The following CPNE8 variants were observed in gnomAD, a reference collection of about 807,000 sequenced individuals.
CPNE8 encodes the protein copine-8.
In CPNE8, 45 loss-of-function variants were observed where a neutral mutation model predicts 81.5. The observed-to-expected ratio is 0.55, with a 90% CI of 0.44 to 0.71. CPNE8 has a LOEUF of 0.71. Ranked by LOEUF, CPNE8 falls within the 30% of genes least tolerant of loss-of-function variation. The pLI, the probability that CPNE8 is intolerant of heterozygous loss-of-function variation, is 0.00. For missense variants in CPNE8, 594 were observed against 672.1 expected (o/e 0.88, Z 1.28); for synonymous variants, 252 against 226.3 (o/e 1.11, Z -1.02).
chr12:38,691,289 C>T (rs1939669975), intron 15 of CPNE8, among the ~76,000 whole-genome samples: 1 of 152,124 alleles, frequency 6.6e-6, no homozygotes, highest in Non-Finnish European at 1.5e-5. Flanking sequence ...AGTTATACAA[C>T]TCCTGGGTGC....
chr12:38,683,455 A>G (rs900291572), intron 16 of CPNE8, among the ~76,000 whole-genome samples: 5 of 152,164 alleles, frequency 3.3e-5, no homozygotes, highest in Admixed American at 6.5e-5. Context: ...TAAGAGTTAT[A>G]TAAAGCAAGA....
At chr12:38,673,794 A>AAT (rs1328136150) in intron 18 of CPNE8, among the ~76,000 whole-genome samples, 2 of 152,024 alleles carry the variant, frequency 1.3e-5, no homozygotes, top group African/African-American at 4.8e-5. Flanking sequence ...GATTAGGAGA[A>AAT]ATAACTGAGC....
chr12:38,693,637 TC>T lies in CPNE8; in HGVS notation c.1143+19del, dbSNP rs757164876. 3 of 1,592,814 alleles carry T rather than the reference TC, an allele frequency of 1.9e-6. No homozygotes were observed. The Admixed American group carries it at 5.2e-5, about 28-fold the overall frequency. On this transcript the variant is annotated intron_variant, in intron 15 of 19. Transcript: ENST00000331366. ...AACATTAATTTTTCAAAACATCAAA[TC>T]CTTTTGACAAATTCTTACCAAAGCA...
chr12:38,816,267 T>A (rs553004487), intron 6 of CPNE8, among the ~76,000 whole-genome samples: 1 of 152,312 alleles, frequency 6.6e-6, no homozygotes, highest in East Asian at 1.9e-4. Flanking sequence ...CCTGGAAAAT[T>A]CAGTGCAATA....
rs144376726 is a variant in CPNE8, at chr12:38,751,900, C to G, written c.722+8947G>C. 9.9e-4 allele frequency among the ~76,000 whole-genome samples: 151 copies of G among 152,162 alleles called. No homozygotes were observed. The East Asian group carries it at 0.021, about 21-fold the overall frequency. On this transcript the variant is annotated intron_variant, in intron 10 of 19. Transcript: ENST00000331366. The stretch of plus-strand genomic sequence containing the variant: ...ACTTCTGATTTATTTTCTTTTTCAC[C>G]AGGCTGCATTGTAAAAACTTTTTCT...
At chr12:38,724,746 C>A in intron 12 of CPNE8, 100 bp downstream of exon 12, 1 of 780,778 alleles carries the variant, frequency 1.3e-6, no homozygotes, top group Non-Finnish European at 2.0e-6. Context: ...AAACACAGCT[C>A]AGTTTTTTTA....
chr12:38,893,030 G>A (rs1944336811), intron 1 of CPNE8, among the ~76,000 whole-genome samples: 1 of 151,966 alleles, frequency 6.6e-6, no homozygotes, highest in Admixed American at 6.5e-5. Context: ...TTAGACACTT[G>A]AATTAGAGCC....
chr12:38,842,373 C>G (rs1480380952), intron 4 of CPNE8, among the ~76,000 whole-genome samples: 3 of 152,060 alleles, frequency 2.0e-5, no homozygotes, highest in Non-Finnish European at 4.4e-5. Context: ...GGAGAAATGA[C>G]ATCGAATGTT....
chr12:38,707,558 G>C (rs1940139481), intron 13 of CPNE8, among the ~76,000 whole-genome samples: 1 of 152,082 alleles, frequency 6.6e-6, no homozygotes, highest in African/African-American at 2.4e-5. Context: ...AAGTATAAAA[G>C]GTGGATGCAT....
intron 19 of CPNE8, 61 bp downstream of exon 19, chr12:38,670,668 T>C: frequency 8.8e-7 from 1 of 1,140,926 alleles, no homozygotes; most frequent in Non-Finnish European, 1.3e-6. Context: ...CTTCTAATTT[T>C]GTTAAAGATC....
chr12:38,867,339 TGA>T (rs367740036), intron 3 of CPNE8, among the ~76,000 whole-genome samples: 6,010 of 121,544 alleles, frequency 0.049, 167 homozygotes, highest in African/African-American at 0.12. Flanking sequence ...TGTGTGTGTG[TGA>T]GAGAGAGAGA....
At chr12:38,862,282 TATTTCTCTTATATAATCCTGAAG>T (rs201624644) in intron 3 of CPNE8, among the ~76,000 whole-genome samples, 4,942 of 151,540 alleles carry the variant, frequency 0.033, 250 homozygotes, top group East Asian at 0.18. Flanking sequence ...AATCATTATA[TATTTCTCTTATATAATCCTGAAG>T]ATTAGATGGT....
At chr12:38,817,452 C>G (rs1252383673) in intron 6 of CPNE8, among the ~76,000 whole-genome samples, 2 of 152,006 alleles carry the variant, frequency 1.3e-5, no homozygotes, top group Non-Finnish European at 2.9e-5. Flanking sequence ...TAACAGACAC[C>G]AGGAAGGAAC....
At chr12:38,894,659 CTCTCTCTCTCT>C (rs1944361743) in intron 1 of CPNE8, among the ~76,000 whole-genome samples, 1 of 5,566 alleles carries the variant, frequency 1.8e-4, no homozygotes. Context: ...CTCCAGCTCA[CTCTCTCTCTCT>C]CTCTCTCTCT....
chr12:38,826,269 C>T (rs1395433585), intron 6 of CPNE8, among the ~76,000 whole-genome samples: 1 of 152,104 alleles, frequency 6.6e-6, no homozygotes, highest in Non-Finnish European at 1.5e-5. Context: ...GTGATATAAG[C>T]TTAGAAAATC....
At chr12:38,759,782 A>T (rs911792811) in intron 10 of CPNE8, among the ~76,000 whole-genome samples, 8 of 152,182 alleles carry the variant, frequency 5.3e-5, no homozygotes, top group African/African-American at 1.7e-4. Flanking sequence ...CACTTATTGC[A>T]CAGTGTGTGT....
At chr12:38,721,608 G>A (rs745557324) in intron 13 of CPNE8, among the ~76,000 whole-genome samples, 4 of 152,166 alleles carry the variant, frequency 2.6e-5, no homozygotes, top group Non-Finnish European at 5.9e-5. Context: ...GCCAACTGGC[G>A]GAGCTAAACA....
chr12:38,732,904 T>C (rs563525589), intron 10 of CPNE8, among the ~76,000 whole-genome samples: 2 of 152,158 alleles, frequency 1.3e-5, no homozygotes, highest in Admixed American at 6.6e-5. Flanking sequence ...AATTTGCATG[T>C]CATGTAAATG....
At chr12:38,816,549 C>T (rs1229671762) in intron 6 of CPNE8, among the ~76,000 whole-genome samples, 1 of 151,924 alleles carries the variant, frequency 6.6e-6, no homozygotes, top group African/African-American at 2.4e-5. Context: ...TTTAGCAGAC[C>T]TGCTTAAGAA....
Sources: gnomAD v4.1 joint callset for allele counts (sites outside exome capture counted in the v4.1 genomes callset) on GRCh38, gnomAD v4.1.1 for gene constraint, MANE v1.5 for transcripts, NCBI Gene and HGNC (gene_info 2026-07-23, HGNC 2026-07-21) for gene names.